Variants in PRKCH observed in about 807,000 individuals in gnomAD.
PRKCH encodes the protein protein kinase C eta, also known as protein kinase C eta type.
A neutral mutation model predicts 82.5 loss-of-function variants in PRKCH; 28 were observed. The observed-to-expected ratio is 0.34, with a 90% CI of 0.25 to 0.47. PRKCH has a LOEUF of 0.47. PRKCH is among the 20% of genes least tolerant of loss of function. PRKCH has a pLI of 1.00. For synonymous variants in PRKCH, 322 were observed against 327.4 expected (o/e 0.98, Z 0.18); for missense variants, 705 against 881.8 (o/e 0.80, Z 2.54).
At chr14:61,273,065 A>G (rs542974796) in intron 1 of PRKCH, among the ~76,000 whole-genome samples, 1 of 152,304 alleles carries the variant, frequency 6.6e-6, no homozygotes, top group Non-Finnish European at 1.5e-5. Context: ...ATCATGCATT[A>G]TTCTTTTACA....
intron 1 of PRKCH, among the ~76,000 whole-genome samples, chr14:61,343,228 C>T (rs1032535201): frequency 2.6e-5 from 4 of 151,932 alleles, no homozygotes; most frequent in Non-Finnish European, 5.9e-5. Context: ...AGGCTAGTGT[C>T]CTGTCTGGAG....
At chr14:61,208,074 AT>A (rs11376581) in intron 1 of PRKCH, among the ~76,000 whole-genome samples, 84 of 151,104 alleles carry the variant, frequency 5.6e-4, no homozygotes, top group African/African-American at 1.7e-3. Context: ...GTGACAACTG[AT>A]TTTTTTTTTG....
intron 1 of PRKCH, among the ~76,000 whole-genome samples, chr14:61,282,402 C>T (rs952771662): frequency 6.6e-6 from 1 of 151,698 alleles, no homozygotes; most frequent in African/African-American, 2.4e-5. Flanking sequence ...TTGTAAAATG[C>T]AAGTAATACA....
chr14:61,340,615 G>A lies in PRKCH; in HGVS notation c.363+18151G>A, dbSNP rs148700527. On this transcript the variant is annotated intron_variant, in intron 1 of 13. Coordinates refer to ENST00000332981, the MANE Select transcript of PRKCH (RefSeq NM_006255.5). ...TTAATCCTCACAGTAGACTGTGAGA[G>A]AGGAGGAGTGCTGTGGCACCTGCAT... Among the ~76,000 whole-genome samples, 312 of 152,318 alleles carry A rather than the reference G, an allele frequency of 2.0e-3. 5 individuals are homozygous for A. Among genetic ancestry groups the A allele is most frequent in the East Asian group, 0.018 (94 of 5,176 alleles).
chr14:61,445,551 C>G, intron 3 of PRKCH, 141 bp from the exon 4 acceptor site: 1 of 770,636 alleles, frequency 1.3e-6, no homozygotes, highest in Non-Finnish European at 2.2e-6. Context: ...AACAATGGCT[C>G]AGAAAGCACA....
Position 61,337,005 on chromosome 14 carries a change from T to G in PRKCH, c.363+14541T>G, listed in dbSNP as rs1459334320. Among the ~76,000 whole-genome samples, 3 of 129,760 alleles carry G rather than the reference T, an allele frequency of 2.3e-5. No individual in the cohort carries two copies. In the East Asian group the frequency reaches 6.9e-4, roughly 30 times the overall value. The allele number at this position is 129,760 out of a possible 152,430, so 85.1% of individuals were successfully genotyped here. The stretch of plus-strand genomic sequence containing the variant: ...AATTGCTTGAACCCAGGAGGCGAGG[T>G]GGAGGTTGCAGTGAGTCGAGATTGT... On this transcript the variant is annotated intron_variant, in intron 1 of 13. Coordinates refer to ENST00000332981, the MANE Select transcript of PRKCH (RefSeq NM_006255.5).
At chr14:61,352,714 GAAA>G (rs2046098181) in intron 1 of PRKCH, among the ~76,000 whole-genome samples, 1 of 151,150 alleles carries the variant, frequency 6.6e-6, no homozygotes, top group Non-Finnish European at 1.5e-5. Context: ...AAGAAAGAAA[GAAA>G]GAAAGAAAGA....
chr14:61,388,163 A>G (rs796532779), intron 1 of PRKCH, among the ~76,000 whole-genome samples: 11 of 152,066 alleles, frequency 7.2e-5, no homozygotes, highest in African/African-American at 2.7e-4. Flanking sequence ...AAAAAAAAAA[A>G]AAAAAGAAAG....
intron 1 of PRKCH, among the ~76,000 whole-genome samples, chr14:61,255,643 C>G (rs920587564): frequency 6.6e-6 from 1 of 152,090 alleles, no homozygotes; most frequent in Non-Finnish European, 1.5e-5. Context: ...ACTTGGCAAA[C>G]ATTAATTAAT....
At chr14:61,478,995 G>A (rs1292669475) in intron 9 of PRKCH, among the ~76,000 whole-genome samples, 4 of 152,182 alleles carry the variant, frequency 2.6e-5, no homozygotes, top group South Asian at 2.1e-4. Context: ...GAGGTACAAC[G>A]GATGTCTCAT....
Position 61,321,987 on chromosome 14 carries a change from TCC to T in PRKCH, c.-112_-111del. 1 of 1,189,170 alleles carries T rather than the reference TCC, an allele frequency of 8.4e-7. No homozygotes were observed. 73.7% of individuals were successfully genotyped at this position (1,189,170 alleles called of 1,614,324 possible). On this transcript the variant is annotated 5_prime_UTR_variant, in exon 1 of 14. It removes the in-frame stop codon of an upstream open reading frame in the 5' UTR. Coordinates refer to ENST00000332981, the MANE Select transcript of PRKCH (RefSeq NM_006255.5). The surrounding 1 kb of genome is among the most constrained non-coding windows in gnomAD (Gnocchi z 4.1). ...TCGAGGGGCGCTTAGGCGCTGCCTT[TCC>T]CCAGGGCTGCCTCGACTCCTGCACC...
chr14:61,218,636 TAA>T lies in PRKCH; in HGVS notation c.-19+30976_-19+30977del, dbSNP rs770617396. Among the ~76,000 whole-genome samples the T allele has an allele frequency of 4.6e-5, 7 of 151,352 alleles. No homozygotes were observed. In the East Asian group the frequency reaches 1.2e-3, roughly 25 times the overall value. ...TATACAGACAGAGAGTTTGGCAGCT[TAA>T]AAAAAAAGTCTTTAAAATTTTTAGT... On this transcript the variant is annotated intron_variant, in intron 1 of 3. Coordinates refer to the PRKCH transcript ENST00000555185.
intron 12 of PRKCH, among the ~76,000 whole-genome samples, chr14:61,535,444 G>A (rs2043094974): frequency 1.3e-5 from 2 of 152,242 alleles, no homozygotes. Flanking sequence ...ATCTGGAGGA[G>A]ATGACATTTA....
At chr14:61,290,517 C>G (rs2045352234) in intron 1 of PRKCH, among the ~76,000 whole-genome samples, 1 of 152,270 alleles carries the variant, frequency 6.6e-6, no homozygotes, top group South Asian at 2.1e-4. Context: ...TTCTGTGGGT[C>G]TCTGCCCTGA....
chr14:61,447,115 A>G (rs961202872), intron 4 of PRKCH, among the ~76,000 whole-genome samples: 1 of 152,260 alleles, frequency 6.6e-6, no homozygotes, highest in African/African-American at 2.4e-5. Context: ...TAGGTATTTC[A>G]GACAGAGCAG....
chr14:61,281,190 G>A, intron 1 of PRKCH: 13 of 1,221,306 alleles, frequency 1.1e-5, no homozygotes, highest in Non-Finnish European at 9.3e-6. Context: ...CCGAGTGGGG[G>A]CCCCGCCGCG....
intron 10 of PRKCH, among the ~76,000 whole-genome samples, chr14:61,486,684 CTTTT>C (rs944702915): frequency 1.7e-4 from 24 of 141,280 alleles, no homozygotes; most frequent in Admixed American, 6.2e-4. Flanking sequence ...TTCTTTCTTT[CTTTT>C]TTTTTTTTTA....
At chr14:61,211,145 C>A (rs1048401906) in intron 1 of PRKCH, among the ~76,000 whole-genome samples, 9 of 152,168 alleles carry the variant, frequency 5.9e-5, no homozygotes, top group Non-Finnish European at 1.2e-4. Flanking sequence ...GCAGAAGAAG[C>A]TGGTGCCCTT....
intron 1 of PRKCH, among the ~76,000 whole-genome samples, chr14:61,357,310 T>C (rs1441994597): frequency 6.6e-6 from 1 of 152,238 alleles, no homozygotes; most frequent in Non-Finnish European, 1.5e-5. Flanking sequence ...ACATATGACT[T>C]TGTATCTGAC....
Sources: allele counts gnomAD v4.1 joint callset (sites outside exome capture counted in the v4.1 genomes callset), GRCh38; gene constraint gnomAD v4.1.1; non-coding constraint Gnocchi (gnomAD v3.1); transcripts MANE v1.5; gene names NCBI Gene and HGNC (gene_info 2026-07-23, HGNC 2026-07-21).